Variants in UBE3D observed in about 807,000 individuals in gnomAD.
The protein encoded by UBE3D is ubiquitin protein ligase E3D.
UBE3D carries 48 observed loss-of-function variants against 49.6 expected under a neutral mutation model. The observed-to-expected ratio is 0.97, with a 90% CI of 0.77 to 1.23. The LOEUF (loss-of-function observed/expected upper bound fraction) is 1.23, where lower values mean the gene tolerates loss of function less well. UBE3D is among the 50% of genes most tolerant of loss of function. The probability of loss-of-function intolerance (pLI) is 0.00; values close to 1 mark genes in which losing one functional copy is unlikely to be tolerated. For missense variants in UBE3D, 452 were observed against 468.4 expected (o/e 0.96, Z 0.32); for synonymous variants, 189 against 174.2 (o/e 1.08, Z -0.67).
intron 1 of UBE3D, among the ~76,000 whole-genome samples, chr6:83,064,517 G>A (rs978441064): frequency 3.9e-5 from 6 of 152,038 alleles, no homozygotes; most frequent in Non-Finnish European, 7.4e-5. Context: ...TGAGCCACCC[G>A]GGTACCTTGC....
chr6:82,931,944 T>C (rs1257276268), intron 9 of UBE3D, among the ~76,000 whole-genome samples: 1 of 152,112 alleles, frequency 6.6e-6, no homozygotes, highest in South Asian at 2.1e-4. Flanking sequence ...AGGGACCCGG[T>C]GTGAGGTAAT....
intron 8 of UBE3D, among the ~76,000 whole-genome samples, chr6:82,993,121 GGAGAGAGA>G (rs376760223): frequency 6.7e-6 from 1 of 149,820 alleles, no homozygotes; most frequent in Admixed American, 6.7e-5. Context: ...GGGTCGGGGG[GGAGAGAGA>G]GAGAGAGAGA....
intron 8 of UBE3D, among the ~76,000 whole-genome samples, chr6:83,004,904 G>A (rs1253167118): frequency 1.3e-5 from 2 of 152,126 alleles, no homozygotes; most frequent in Non-Finnish European, 2.9e-5. Flanking sequence ...CAGGTGCAGA[G>A]TATCAGAATT....
intron 8 of UBE3D, among the ~76,000 whole-genome samples, chr6:82,965,498 G>A (rs1291275641): frequency 1.3e-5 from 2 of 150,492 alleles, no homozygotes; most frequent in East Asian, 1.9e-4. Flanking sequence ...CAGGAGAATC[G>A]CTAGAACTTG....
At chr6:82,895,269 C>T (rs1249991029) in intron 9 of UBE3D, among the ~76,000 whole-genome samples, 2 of 152,166 alleles carry the variant, frequency 1.3e-5, no homozygotes, top group Non-Finnish European at 2.9e-5. Flanking sequence ...CGAGATCACG[C>T]TACTGCACTC....
At chr6:82,998,918 C>T (rs745646674) in intron 8 of UBE3D, among the ~76,000 whole-genome samples, 2 of 152,164 alleles carry the variant, frequency 1.3e-5, no homozygotes, top group Non-Finnish European at 2.9e-5. Flanking sequence ...TGGAAAATGT[C>T]ACAGCATAAG....
At chr6:82,981,886 G>C (rs1264987847) in intron 8 of UBE3D, among the ~76,000 whole-genome samples, 1 of 152,092 alleles carries the variant, frequency 6.6e-6, no homozygotes, top group African/African-American at 2.4e-5. Context: ...ATGGAGAGCT[G>C]ATTTCCAATT....
At chr6:83,012,881 T>C (rs767547015) in intron 8 of UBE3D, among the ~76,000 whole-genome samples, 32 of 152,330 alleles carry the variant, frequency 2.1e-4, no homozygotes, top group South Asian at 6.2e-4. Flanking sequence ...AAAGGGGTTG[T>C]AGTGCTGTAG....
At chr6:83,063,309 G>A (rs1287732869) in intron 1 of UBE3D, 1 of 186,514 alleles carries the variant, frequency 5.4e-6, no homozygotes, top group Non-Finnish European at 1.1e-5. Context: ...AGCTACTCCA[G>A]AGGCTGAGGT....
intron 8 of UBE3D, among the ~76,000 whole-genome samples, chr6:82,958,416 T>C (rs939092801): frequency 1.3e-5 from 2 of 152,188 alleles, no homozygotes; most frequent in Non-Finnish European, 2.9e-5. Flanking sequence ...ATGTATTTTT[T>C]GCCACTTCTA....
At chr6:83,052,356 A>G (rs530874453) in intron 3 of UBE3D, among the ~76,000 whole-genome samples, 16 of 152,334 alleles carry the variant, frequency 1.1e-4, no homozygotes, top group African/African-American at 3.6e-4. Context: ...CAACAAGATT[A>G]TCTGCACTCC....
At chr6:82,893,997 T>A (rs1348643054) in intron 9 of UBE3D, 1 of 152,206 alleles carries the variant, frequency 6.6e-6, no homozygotes, top group East Asian at 1.9e-4. Flanking sequence ...AGGCACCTGC[T>A]GAGTTTCCAT....
At chr6:83,041,801 G>A (rs1466144070) in intron 4 of UBE3D, among the ~76,000 whole-genome samples, 1 of 152,156 alleles carries the variant, frequency 6.6e-6, no homozygotes, top group Non-Finnish European at 1.5e-5. Context: ...CTTGCTAGCA[G>A]TAATATTAAT....
chr6:82,999,019 C>T (rs1279880978), intron 8 of UBE3D, among the ~76,000 whole-genome samples: 6 of 152,174 alleles, frequency 3.9e-5, no homozygotes, highest in African/African-American at 1.4e-4. Context: ...GGTCATCTCA[C>T]TCATCTCCTT....
intron 8 of UBE3D, chr6:83,018,070 A>G (rs1048174082): frequency 2.0e-5 from 3 of 152,164 alleles, no homozygotes; most frequent in African/African-American, 7.2e-5. Flanking sequence ...TATATCTCTT[A>G]GTGTTTGAAT....
chr6:82,885,350 G>A, the UBE3D span, among the ~76,000 whole-genome samples: 5 of 152,090 alleles, frequency 3.3e-5, no homozygotes, highest in African/African-American at 1.2e-4. Flanking sequence ...TAAAACTTCA[G>A]AAAATCAATT....
chr6:82,986,314 T>TA (rs1778489111), intron 8 of UBE3D, among the ~76,000 whole-genome samples: 1 of 151,440 alleles, frequency 6.6e-6, no homozygotes, highest in East Asian at 1.9e-4. Context: ...CTACTAAAAA[T>TA]ACAAAAATTA....
At chr6:82,925,658 T>G (rs924831124) in intron 9 of UBE3D, among the ~76,000 whole-genome samples, 2 of 152,144 alleles carry the variant, frequency 1.3e-5, no homozygotes, top group Non-Finnish European at 2.9e-5. Context: ...TGGGCTCTGT[T>G]CTTGGCTGCA....
At chr6:82,984,084 C>T (rs1030894962) in intron 8 of UBE3D, among the ~76,000 whole-genome samples, 4 of 152,076 alleles carry the variant, frequency 2.6e-5, no homozygotes, top group African/African-American at 9.7e-5. Flanking sequence ...GTCTTTTCTT[C>T]CTTCCTTTAT....
Sources: gnomAD v4.1 joint callset for allele counts (sites outside exome capture counted in the v4.1 genomes callset) on GRCh38, gnomAD v4.1.1 for gene constraint, MANE v1.5 for transcripts, NCBI Gene and HGNC (gene_info 2026-07-23, HGNC 2026-07-21) for gene names.